CDC27: variants seen among roughly 807,000 people sequenced by gnomAD.
CDC27 encodes the protein cell division cycle protein 27 homolog.
In CDC27, 27 loss-of-function variants were observed where a neutral mutation model predicts 109.7. The observed-to-expected ratio is 0.25, with a 90% CI of 0.18 to 0.34. CDC27 has a LOEUF of 0.34. CDC27 is among the 10% of genes least tolerant of loss of function. The probability of loss-of-function intolerance (pLI) is 1.00; values close to 1 mark genes in which losing one functional copy is unlikely to be tolerated. For missense variants in CDC27, 579 were observed against 960.2 expected (o/e 0.60, Z 5.25); for synonymous variants, 266 against 333.9 (o/e 0.80, Z 2.22).
chr17:47,131,352 C>T (rs1470992499), intron 15 of CDC27, among the ~76,000 whole-genome samples: 7 of 152,180 alleles, frequency 4.6e-5, no homozygotes, highest in South Asian at 2.1e-4. Context: ...CCCTGTCTTA[C>T]GGTGCTGGAC....
intron 1 of CDC27, among the ~76,000 whole-genome samples, chr17:47,187,168 A>C (rs2064471260): frequency 6.6e-6 from 1 of 152,196 alleles, no homozygotes; most frequent in African/African-American, 2.4e-5. Flanking sequence ...AAAAGAAGCA[A>C]ATTTGACATT....
intron 14 of CDC27, among the ~76,000 whole-genome samples, 200 bp from the exon 15 acceptor site, chr17:47,132,574 A>AT (rs1216785658): frequency 6.6e-6 from 1 of 150,432 alleles, no homozygotes; most frequent in Non-Finnish European, 1.5e-5. Flanking sequence ...AAATAAAAAA[A>AT]TTTTTTTTTG....
chr17:47,141,916 G>A lies in CDC27; in HGVS notation c.1488C>T (p.Tyr496=), dbSNP rs1362771346. ...NILSHLPSHH[Y]NTGWVLCQIG... ...TTTGGCACAGTACCCAACCAGTATT[G>A]TAGTGGTGAGAAGGTAGATGGCTCA... is the stretch of plus-strand genomic sequence containing the variant. The change falls in exon 12 of 19, where the codon TAC becomes TAT. Residue 496 remains tyrosine (Y), a synonymous_variant. Coordinates refer to ENST00000066544, the MANE Select transcript of CDC27 (RefSeq NM_001256.6). 6.2e-7 allele frequency: 1 copy of A among 1,606,526 alleles called. No homozygotes were observed. Among genetic ancestry groups the A allele is most frequent in the Admixed American group, 1.7e-5 (1 of 59,466 alleles).
At chr17:47,133,283 C>A (rs920100607) in intron 14 of CDC27, among the ~76,000 whole-genome samples, 3 of 149,676 alleles carry the variant, frequency 2.0e-5, no homozygotes, top group African/African-American at 7.4e-5. Context: ...GGATTACAGG[C>A]ATGCACCATC....
At chr17:47,182,924 G>C (rs1233199477) in intron 1 of CDC27, among the ~76,000 whole-genome samples, 3 of 151,904 alleles carry the variant, frequency 2.0e-5, no homozygotes, top group Non-Finnish European at 2.9e-5. Flanking sequence ...GACTCAGAAG[G>C]CTGAGCTGGG....
At chr17:47,184,641 C>G (rs985016652) in intron 1 of CDC27, among the ~76,000 whole-genome samples, 5 of 152,222 alleles carry the variant, frequency 3.3e-5, no homozygotes, top group Non-Finnish European at 7.3e-5. Flanking sequence ...ACATCATTCC[C>G]TTATCACCAG....
intron 4 of CDC27, among the ~76,000 whole-genome samples, chr17:47,161,497 T>C (rs1357107387): frequency 6.6e-6 from 1 of 152,148 alleles, no homozygotes; most frequent in Non-Finnish European, 1.5e-5. Flanking sequence ...ATGCCTGTAA[T>C]CTCAGCACTT....
chr17:47,147,436 A>C (rs1345813940), intron 9 of CDC27, among the ~76,000 whole-genome samples: 2 of 144,966 alleles, frequency 1.4e-5, no homozygotes, highest in African/African-American at 2.4e-5. Flanking sequence ...AACAAAAAAA[A>C]AAACACTAGG....
At chr17:47,169,652 A>G (rs972892176) in intron 4 of CDC27, among the ~76,000 whole-genome samples, 19 of 151,900 alleles carry the variant, frequency 1.3e-4, no homozygotes, top group African/African-American at 4.4e-4. Flanking sequence ...TCTCAAAAAA[A>G]AAAAAAAAAA....
intron 12 of CDC27, 38 bp downstream of exon 12, chr17:47,141,815 T>C (rs2148864988): frequency 1.6e-6 from 2 of 1,257,694 alleles, no homozygotes; most frequent in Non-Finnish European, 2.2e-6. Flanking sequence ...ATTGAAATTA[T>C]CTCTAGAAAG....
chr17:47,175,743 G>A (rs554142134), intron 2 of CDC27, among the ~76,000 whole-genome samples: 1 of 152,288 alleles, frequency 6.6e-6, no homozygotes, highest in East Asian at 1.9e-4. Flanking sequence ...TTGAACCTGG[G>A]AGGCAGAGGT....
chr17:47,174,037 TGA>T (rs1472088068), intron 2 of CDC27, among the ~76,000 whole-genome samples: 18 of 152,228 alleles, frequency 1.2e-4, no homozygotes, highest in Admixed American at 8.5e-4. Context: ...GAGACTGCAG[TGA>T]GCCGAGATCG....
intron 14 of CDC27, among the ~76,000 whole-genome samples, chr17:47,133,008 TATATATATATATATATATATACAC>T (rs1404482175): frequency 2.5e-5 from 1 of 40,352 alleles, no homozygotes; most frequent in African/African-American, 8.1e-5. Context: ...TATATATATA[TATATATATATATATATATATACAC>T]ACACACACAC....
chr17:47,181,116 G>A (rs1347229691), intron 2 of CDC27, among the ~76,000 whole-genome samples: 1 of 149,268 alleles, frequency 6.7e-6, no homozygotes, highest in African/African-American at 2.5e-5. Context: ...TTAGCCAGGC[G>A]TGGTGGTCCG....
At position 47,119,005 on chromosome 17, in the gene CDC27, T is replaced by C. The variant is rs187824241; in HGVS notation, c.*1930A>G. ...GATAATTATACTTCAGCAAGTTATG[T>C]TCTAAGCTTAGCTTTCTCCAGGCTT... On this transcript the variant is annotated 3_prime_UTR_variant, in exon 19 of 19. Coordinates refer to ENST00000066544, the MANE Select transcript of CDC27 (RefSeq NM_001256.6). The C allele has an allele frequency of 6.6e-6, 1 of 152,332 alleles. No homozygotes were observed. The highest frequency in any genetic ancestry group is 2.4e-5 in the African/African-American group (1 of 41,582). The allele number at this position is 152,332 out of a possible 1,614,324, so 9.4% of individuals were successfully genotyped here.
In CDC27 at chr17:47,122,625, T is replaced by C. The variant is rs749283766; in HGVS notation, c.2236-25A>G. The C allele has an allele frequency of 2.0e-6, 3 of 1,529,456 alleles. No homozygotes were observed. In the South Asian group the frequency reaches 3.9e-5, roughly 20 times the overall value. 94.7% of individuals were successfully genotyped at this position (1,529,456 alleles called of 1,614,324 possible). ...CCTAAAAATAAACAGCAGCACTACA[T>C]TTTTCATTAAGTTGTGAGCTTCAAC... is the stretch of plus-strand genomic sequence containing the variant. On this transcript the variant is annotated intron_variant, in intron 17 of 18. Coordinates refer to ENST00000066544, the MANE Select transcript of CDC27 (RefSeq NM_001256.6).
intron 5 of CDC27, among the ~76,000 whole-genome samples, chr17:47,157,820 T>C (rs913737199): frequency 6.6e-6 from 1 of 152,194 alleles, no homozygotes; most frequent in Non-Finnish European, 1.5e-5. Flanking sequence ...AGGCCAAATA[T>C]ACTGAGAAAT....
At chr17:47,142,755 C>T (rs2062833995) in intron 10 of CDC27, among the ~76,000 whole-genome samples, 1 of 152,190 alleles carries the variant, frequency 6.6e-6, no homozygotes, top group Admixed American at 6.5e-5. Flanking sequence ...CTCACCGCAA[C>T]CCAACCTCTG....
chr17:47,159,254 G>A (rs1283213458), intron 4 of CDC27: 10 of 536,054 alleles, frequency 1.9e-5, no homozygotes, highest in Non-Finnish European at 2.9e-5. Context: ...GGGTCTTGAC[G>A]AGGTGGTCAG....
Sources: gnomAD v4.1 joint callset for allele counts (sites outside exome capture counted in the v4.1 genomes callset) on GRCh38, gnomAD v4.1.1 for gene constraint, MANE v1.5 for transcripts, NCBI Gene and HGNC (gene_info 2026-07-23, HGNC 2026-07-21) for gene names.